Variants in RAB11FIP4 observed in about 807,000 individuals in gnomAD.
RAB11FIP4 encodes RAB11 family interacting protein 4, also known as rab11 family-interacting protein 4.
In RAB11FIP4, 23 loss-of-function variants were observed where a neutral mutation model predicts 74.3. That is an observed-to-expected ratio of 0.31 (90% CI 0.22 to 0.44). The LOEUF (loss-of-function observed/expected upper bound fraction) is 0.44, where lower values mean the gene tolerates loss of function less well. Among genes scored for constraint, RAB11FIP4 ranks in the 20% least tolerant of loss-of-function variants. The pLI, the probability that RAB11FIP4 is intolerant of heterozygous loss-of-function variation, is 1.00. For missense variants in RAB11FIP4, 630 were observed against 863.9 expected, an observed-to-expected ratio of 0.73 and a Z score of 3.39; for synonymous variants, 360 against 359.9, an observed-to-expected ratio of 1.00 and a Z score of 0.00.
intron 3 of RAB11FIP4, among the ~76,000 whole-genome samples, chr17:31,500,625 G>A (rs1293267111): frequency 6.6e-6 from 1 of 152,194 alleles, no homozygotes; most frequent in Non-Finnish European, 1.5e-5. Context: ...ACTAAATACA[G>A]TTTTGGGCAA....
intron 1 of RAB11FIP4, among the ~76,000 whole-genome samples, chr17:31,418,545 C>G (rs1476150262): frequency 7.0e-6 from 1 of 142,038 alleles, no homozygotes; most frequent in Non-Finnish European, 1.5e-5. Context: ...TTCACTGCAG[C>G]CTTGACTTCC....
intron 11 of RAB11FIP4, among the ~76,000 whole-genome samples, chr17:31,528,151 G>GTT (rs1418386755): frequency 6.6e-6 from 1 of 152,140 alleles, no homozygotes; most frequent in African/African-American, 2.4e-5. Context: ...CTTCTATTTG[G>GTT]GCTAACACCT....
chr17:31,404,102 T>C (rs1239737332), intron 1 of RAB11FIP4, among the ~76,000 whole-genome samples: 2 of 152,358 alleles, frequency 1.3e-5, no homozygotes, highest in East Asian at 3.9e-4. Context: ...TTTCTCTGAC[T>C]GCTCCGATTT....
intron 1 of RAB11FIP4, among the ~76,000 whole-genome samples, chr17:31,405,094 C>T (rs2151616819): frequency 6.6e-6 from 1 of 152,178 alleles, no homozygotes; most frequent in East Asian, 1.9e-4. Context: ...GACAAACCCA[C>T]CTAGAAGTAG....
chr17:31,441,239 TG>T (rs771742229), intron 3 of RAB11FIP4, among the ~76,000 whole-genome samples: 1 of 152,170 alleles, frequency 6.6e-6, no homozygotes, highest in Non-Finnish European at 1.5e-5. Context: ...TTGGCCAGGC[TG>T]GTCTCAAACT....
Position 31,528,785 on chromosome 17 carries a change from C to CT in RAB11FIP4, c.1653+8dup. The stretch of plus-strand genomic sequence containing the variant: ...GGTCAAGCGGCTCAAGCAGGTGGGT[C>CT]TAGCAGTCTCTGTGTCCAGTGGGGC... On this transcript the variant is annotated splice_region_variant and intron_variant, in intron 13 of 14. Coordinates refer to ENST00000621161, the MANE Select transcript of RAB11FIP4 (RefSeq NM_032932.6). 1 of 1,602,974 alleles carries CT rather than the reference C, an allele frequency of 6.2e-7. No individual in the cohort carries two copies. Among genetic ancestry groups the CT allele is most frequent in the Non-Finnish European group, 8.5e-7 (1 of 1,174,564 alleles).
rs117632868 is a variant in RAB11FIP4, at chr17:31,397,421, C to T, written c.159+5410C>T. 8.1e-4 allele frequency among the ~76,000 whole-genome samples: 123 copies of T among 152,298 alleles called. 1 individual carries two copies. The East Asian group carries it at 0.014, about 18-fold the overall frequency. ...GCCTGGAAGGCCGGCAAAGTCCCAA[C>T]GAGCTACTCCCAAAAGGTGATAGTT... is the stretch of plus-strand genomic sequence containing the variant. On this transcript the variant is annotated intron_variant, in intron 1 of 14. Coordinates refer to ENST00000621161, the MANE Select transcript of RAB11FIP4 (RefSeq NM_032932.6).
At chr17:31,475,961 AATCAACAATATGT>A (rs2096224948) in intron 3 of RAB11FIP4, among the ~76,000 whole-genome samples, 1 of 152,164 alleles carries the variant, frequency 6.6e-6, no homozygotes, top group South Asian at 2.1e-4. Context: ...AATGTTAATG[AATCAACAATATGT>A]ATTAAATATA....
intron 3 of RAB11FIP4, among the ~76,000 whole-genome samples, chr17:31,461,934 C>T (rs771078370): frequency 2.0e-5 from 3 of 152,146 alleles, no homozygotes; most frequent in East Asian, 3.9e-4. Flanking sequence ...AGGGCTGGAC[C>T]TTGGCCAGAT....
chr17:31,470,504 T>C (rs1049337186), intron 3 of RAB11FIP4, among the ~76,000 whole-genome samples: 1 of 152,110 alleles, frequency 6.6e-6, no homozygotes, highest in African/African-American at 2.4e-5. Context: ...AGAACTACAG[T>C]AGGGAAGCAG....
Position 31,528,426 on chromosome 17 carries a change from C to T in RAB11FIP4, c.1377C>T (p.Asp459=), listed in dbSNP as rs1440291802. 1.9e-6 allele frequency: 3 copies of T among 1,612,998 alleles called. No homozygotes were observed. The highest frequency in any genetic ancestry group is 2.5e-6 in the Non-Finnish European group (3 of 1,179,996). The change falls in exon 12 of 15, where the codon GAC becomes GAT. Residue 459 remains aspartate, a synonymous_variant. Transcript: ENST00000621161. ...TCCAGGAGCGGCAGCGCATGTCTGACCGTCTGGAGGACACCAGCCTGCGGC... is the reference window on the plus strand; with the variant it reads ...TCCAGGAGCGGCAGCGCATGTCTGATCGTCTGGAGGACACCAGCCTGCGGC... ...KLDEERQRMS[D]RLEDTSLRLK...
chr17:31,423,031 T>C (rs947419064), intron 1 of RAB11FIP4, among the ~76,000 whole-genome samples: 15 of 151,106 alleles, frequency 9.9e-5, no homozygotes, highest in African/African-American at 3.6e-4. Context: ...GCCATTCTCC[T>C]GCCTCAGCCT....
intron 2 of RAB11FIP4, 56 bp from the exon 3 acceptor site, chr17:31,433,978 C>A (rs145543389): frequency 1.3e-5 from 20 of 1,499,208 alleles, no homozygotes; most frequent in Middle Eastern, 2.1e-4. Context: ...GCAGAGCAGC[C>A]GTCCCAGGCT....
At chr17:31,519,504 G>T (rs1379786002) in intron 4 of RAB11FIP4, among the ~76,000 whole-genome samples, 1 of 152,120 alleles carries the variant, frequency 6.6e-6, no homozygotes, top group Admixed American at 6.5e-5. Flanking sequence ...CAAGTCTCTC[G>T]AGGGATACAG....
intron 1 of RAB11FIP4, among the ~76,000 whole-genome samples, chr17:31,429,941 C>T (rs1048312018): frequency 1.3e-5 from 2 of 151,760 alleles, no homozygotes; most frequent in East Asian, 1.9e-4. Flanking sequence ...CCCAAATAAA[C>T]GCTATTTCCT....
Position 31,517,781 on chromosome 17 carries a change from A to G in RAB11FIP4, c.467A>G (p.Asp156Gly), listed in dbSNP as rs779280824. ...PPEGPQELYT[D>G]SPMESTQSLE... ...GAGGGCCCCCAGGAGTTGTACACAG[A>G]CAGCCCCATGGAGAGCACTCAGAGC... Residue 156 changes from aspartate (D) to glycine (G), a missense_variant, in exon 4 of 15, where the codon GAC (aspartate) becomes GGC (glycine). Physicochemically the swap from Asp to Gly is moderately conservative, Grantham distance 94 (BLOSUM62 -1). Coordinates refer to ENST00000621161, the MANE Select transcript of RAB11FIP4 (RefSeq NM_032932.6). 3 of 1,561,886 alleles carry G rather than the reference A, an allele frequency of 1.9e-6. No individual in the cohort carries two copies. Among genetic ancestry groups the G allele is most frequent in the Non-Finnish European group, 2.6e-6 (3 of 1,152,456 alleles).
At chr17:31,522,692 G>C (rs2072691490) in intron 7 of RAB11FIP4, 2 of 479,604 alleles carry the variant, frequency 4.2e-6, no homozygotes, top group African/African-American at 2.0e-5. Context: ...ACAGCGTTCA[G>C]TGCCCTTCCT....
At chr17:31,450,348 A>ATTC (rs1282124071) in intron 3 of RAB11FIP4, among the ~76,000 whole-genome samples, 1 of 135,228 alleles carries the variant, frequency 7.4e-6, no homozygotes, top group African/African-American at 2.7e-5. Context: ...TATTATTATT[A>ATTC]TTATTATTAT....
intron 2 of RAB11FIP4, 134 bp from the exon 3 acceptor site, chr17:31,433,900 C>T: frequency 1.3e-6 from 1 of 789,316 alleles, no homozygotes; most frequent in Non-Finnish European, 2.1e-6. Context: ...CCTTCCAGTG[C>T]TCAGCTGGCC....
Sources: allele counts gnomAD v4.1 joint callset (sites outside exome capture counted in the v4.1 genomes callset), GRCh38; gene constraint gnomAD v4.1.1; transcripts MANE v1.5; gene names NCBI Gene and HGNC (gene_info 2026-07-23, HGNC 2026-07-21).